Variants in PBX1 observed in about 807,000 individuals in gnomAD.
PBX1 encodes the protein pre-B-cell leukemia transcription factor 1.
PBX1 carries 6 observed loss-of-function variants against 53.4 expected under a neutral mutation model. The observed-to-expected ratio is 0.11, with a 90% CI of 0.06 to 0.22. The LOEUF is 0.22. PBX1 is among the 10% of genes least tolerant of loss of function. PBX1 has a pLI of 1.00. For missense variants in PBX1, 251 were observed against 551.4 expected (o/e 0.46, Z 5.46); for synonymous variants, 204 against 212.3 (o/e 0.96, Z 0.34).
chr1:164,799,772 A>C lies in PBX1; in HGVS notation c.584A>C (p.Lys195Thr). 1 of 1,614,044 alleles carries C rather than the reference A, an allele frequency of 6.2e-7. No individual in the cohort carries two copies. Among genetic ancestry groups the C allele is most frequent in the Non-Finnish European group, 8.5e-7 (1 of 1,179,968 alleles). ...AGCCGGACCAGGCCCATCTCCCCAAAGGAGATTGAGCGGATGGTCAGCATC... is the reference window on the plus strand; with the variant it reads ...AGCCGGACCAGGCCCATCTCCCCAACGGAGATTGAGCGGATGGTCAGCATC... Reference protein sequence around the residue: ...EQSRTRPISPKEIERMVSIIH... With the variant: ...EQSRTRPISPTEIERMVSIIH... The change falls in exon 4 of 9, where the codon AAG (lysine) becomes ACG (threonine). Residue 195 changes from lysine (K) to threonine (T), a missense_variant. Around this residue, in one of 4 missense-constraint regions of PBX1, gnomAD observed 76 missense variants for 197.5 expected, o/e 0.38. Coordinates refer to ENST00000420696, the MANE Select transcript of PBX1 (RefSeq NM_002585.4).
chr1:164,612,806 T>G (rs1657024954), intron 2 of PBX1, among the ~76,000 whole-genome samples: 1 of 152,110 alleles, frequency 6.6e-6, no homozygotes, highest in Non-Finnish European at 1.5e-5. Context: ...TCATGAGATG[T>G]GATAAAGCAT....
intron 2 of PBX1, among the ~76,000 whole-genome samples, chr1:164,690,547 G>T (rs1446155974): frequency 6.6e-6 from 1 of 151,532 alleles, no homozygotes; most frequent in African/African-American, 2.4e-5. Flanking sequence ...CAGAAGGGTT[G>T]CTTGAGCTTA....
chr1:164,569,079 G>A (rs1191946033), intron 2 of PBX1, among the ~76,000 whole-genome samples: 2 of 152,036 alleles, frequency 1.3e-5, no homozygotes, highest in African/African-American at 4.8e-5. Context: ...TATTGGGGTG[G>A]GTATACCTCA....
intron 2 of PBX1, chr1:164,564,035 A>G (rs1352781863): frequency 6.6e-6 from 1 of 152,192 alleles, no homozygotes; most frequent in Non-Finnish European, 1.5e-5. Flanking sequence ...TTCTTAAACA[A>G]CAGATGCTCT....
chr1:164,824,979 T>A (rs1336817017), intron 8 of PBX1, among the ~76,000 whole-genome samples: 1 of 152,192 alleles, frequency 6.6e-6, no homozygotes, highest in African/African-American at 2.4e-5. Flanking sequence ...CATTCGTTGC[T>A]CAGAAATCTA....
At chr1:164,591,654 A>G (rs1655391094) in intron 2 of PBX1, among the ~76,000 whole-genome samples, 1 of 152,174 alleles carries the variant, frequency 6.6e-6, no homozygotes, top group African/African-American at 2.4e-5. Context: ...ATTGATGATG[A>G]GCTTGTGTGC....
intron 2 of PBX1, among the ~76,000 whole-genome samples, chr1:164,880,158 A>G (rs747339351): frequency 5.9e-5 from 9 of 152,142 alleles, no homozygotes; most frequent in Admixed American, 1.3e-4. Flanking sequence ...CTATACCTAC[A>G]CATCTCCTCA....
chr1:164,601,098 G>A (rs1319071822), intron 2 of PBX1, among the ~76,000 whole-genome samples: 3 of 151,850 alleles, frequency 2.0e-5, no homozygotes, highest in Admixed American at 6.6e-5. Flanking sequence ...AATTAGCCGG[G>A]CGTGGCGGTG....
intron 2 of PBX1, among the ~76,000 whole-genome samples, chr1:164,610,774 C>T (rs900112730): frequency 1.4e-4 from 22 of 152,326 alleles, no homozygotes; most frequent in African/African-American, 2.4e-4. Flanking sequence ...AAAGTATCTA[C>T]GCACATTCTG....
intron 8 of PBX1, among the ~76,000 whole-genome samples, chr1:164,845,550 T>A (rs1239784410): frequency 6.6e-6 from 1 of 152,202 alleles, no homozygotes; most frequent in Non-Finnish European, 1.5e-5. Flanking sequence ...ACACTTATAT[T>A]TCAATGCTTT....
chr1:164,628,723 T>C (rs989991520), intron 2 of PBX1, among the ~76,000 whole-genome samples: 4 of 152,144 alleles, frequency 2.6e-5, no homozygotes, highest in African/African-American at 9.7e-5. Context: ...TGTATCTCTC[T>C]CTTTCTCTCT....
At chr1:164,727,074 A>T (rs1258974213) in intron 2 of PBX1, among the ~76,000 whole-genome samples, 1 of 152,112 alleles carries the variant, frequency 6.6e-6, no homozygotes, top group African/African-American at 2.4e-5. Flanking sequence ...CTGGAGCTCA[A>T]CACCAAGCTT....
In PBX1 at chr1:164,587,019, T is replaced by C. The variant is rs200672719; in HGVS notation, c.265+23708T>C. 3.3e-5 allele frequency among the ~76,000 whole-genome samples: 5 copies of C among 152,310 alleles called. No homozygotes were observed. The East Asian group carries it at 9.7e-4, about 29-fold the overall frequency. On this transcript the variant is annotated intron_variant, in intron 2 of 8. Transcript: ENST00000420696. ...GCAGCTCTGCGTTGTAAGGATGTCATGCATAACGAGGTATACCAGCGAAAT... is the reference window on the plus strand; with the variant it reads ...GCAGCTCTGCGTTGTAAGGATGTCACGCATAACGAGGTATACCAGCGAAAT...
chr1:164,799,143 G>GA (rs919347205), intron 3 of PBX1, among the ~76,000 whole-genome samples: 9 of 151,660 alleles, frequency 5.9e-5, no homozygotes, highest in East Asian at 1.9e-4. Flanking sequence ...AAAATCATGG[G>GA]AAAAAAAAGA....
intron 2 of PBX1, among the ~76,000 whole-genome samples, chr1:164,745,931 G>A (rs1004176735): frequency 1.3e-5 from 2 of 152,152 alleles, no homozygotes; most frequent in African/African-American, 2.4e-5. Flanking sequence ...CTAGAGGATC[G>A]TTCCTATTGG....
chr1:164,561,488 G>C (rs987318090), intron 1 of PBX1, among the ~76,000 whole-genome samples: 5 of 152,134 alleles, frequency 3.3e-5, no homozygotes, highest in South Asian at 4.1e-4. Flanking sequence ...ATTATCTGAA[G>C]AAAAGCTAAT....
intron 2 of PBX1, among the ~76,000 whole-genome samples, chr1:164,698,428 G>T (rs1312705043): frequency 6.6e-6 from 1 of 152,162 alleles, no homozygotes; most frequent in African/African-American, 2.4e-5. Flanking sequence ...AGGAATTACA[G>T]AATTGTGTTT....
At chr1:164,777,749 T>C (rs967221791) in intron 2 of PBX1, among the ~76,000 whole-genome samples, 3 of 152,236 alleles carry the variant, frequency 2.0e-5, no homozygotes, top group African/African-American at 7.2e-5. Flanking sequence ...ATCAGCAGCA[T>C]TGTTTGAATG....
At chr1:164,616,311 C>A (rs1435559542) in intron 2 of PBX1, among the ~76,000 whole-genome samples, 2 of 152,132 alleles carry the variant, frequency 1.3e-5, no homozygotes, top group African/African-American at 4.8e-5. Flanking sequence ...GCCCTCTCAG[C>A]CCCTGGGTCT....
Sources: gnomAD v4.1 joint callset for allele counts (sites outside exome capture counted in the v4.1 genomes callset) on GRCh38, gnomAD v4.1.1 for gene constraint, gnomAD v4.1.1 regional missense constraint, MANE v1.5 for transcripts, NCBI Gene and HGNC (gene_info 2026-07-23, HGNC 2026-07-21) for gene names.